CYP26C1: variants seen among roughly 807,000 people sequenced by gnomAD.
CYP26C1 encodes the protein cytochrome P450 26C1.
A neutral mutation model predicts 39.1 loss-of-function variants in CYP26C1; 41 were observed. That is an observed-to-expected ratio of 1.05 (90% CI 0.82 to 1.36). The LOEUF is 1.36. Ranked by LOEUF, CYP26C1 falls within the 40% of genes most tolerant of loss-of-function variation. The probability of loss-of-function intolerance (pLI) is 0.00; values close to 1 mark genes in which losing one functional copy is unlikely to be tolerated. For synonymous variants in CYP26C1, 362 were observed against 350.8 expected (o/e 1.03, Z -0.36); for missense variants, 833 against 752.0 (o/e 1.11, Z -1.26).
At position 93,068,803 on chromosome 10, in the gene CYP26C1, GTTCAACAATCT is replaced by G; in HGVS notation, c.*115_*125del. 7.1e-7 allele frequency: 1 copy of G among 1,402,260 alleles called. No individual in the cohort carries two copies. The highest frequency in any genetic ancestry group is 9.3e-7 in the Non-Finnish European group (1 of 1,074,298). The allele number at this position is 1,402,260 out of a possible 1,614,324, so 86.9% of individuals were successfully genotyped here. A position where few individuals can be genotyped will look rare whatever the true frequency, so the allele number is the denominator to read the frequency against. The stretch of plus-strand genomic sequence containing the variant: ...GCGTCGCGCGCCCACTCTTTCACTC[GTTCAACAATCT>G]TTCAACAAATGTTCGCCAAACGCGG... On this transcript the variant is annotated 3_prime_UTR_variant, in exon 6 of 6. Coordinates refer to ENST00000651965, the MANE Select transcript of CYP26C1 (RefSeq NM_183374.3).
intron 5 of CYP26C1, among the ~76,000 whole-genome samples, chr10:93,067,609 C>CT (rs1468604067): frequency 6.6e-6 from 1 of 152,150 alleles, no homozygotes; most frequent in Non-Finnish European, 1.5e-5. Context: ...CAGTTAGAAA[C>CT]TTTGAGTATT....
chr10:93,062,124 C>A lies in CYP26C1; in HGVS notation c.319C>A (p.Leu107Met). ...SGAENVRTIL[L>M]GEHRLVRSQW... is the part of the protein sequence containing the mutation. ...CGCGGAGAACGTGCGCACCATCCTG[C>A]TGGGCGAGCACCGCCTGGTGCGCAG... The change falls in exon 2 of 6, where the codon CTG (leucine) becomes ATG (methionine). Residue 107 changes from leucine (L) to methionine (M), a missense_variant. Transcript: ENST00000651965. 1 of 1,551,964 alleles carries A rather than the reference C, an allele frequency of 6.4e-7. No homozygotes were observed. Among genetic ancestry groups the A allele is most frequent in the Non-Finnish European group, 8.7e-7 (1 of 1,149,822 alleles).
chr10:93,061,620 T>C (rs1846750315), intron 1 of CYP26C1, among the ~76,000 whole-genome samples, 153 bp downstream of exon 1: 2 of 38,544 alleles, frequency 5.2e-5, no homozygotes, highest in Non-Finnish European at 1.4e-4. Context: ...CGCCTTTACC[T>C]AGATACTCCG....
intron 4 of CYP26C1, 155 bp downstream of exon 4, chr10:93,064,691 AAT>A: frequency 7.1e-7 from 1 of 1,409,310 alleles, no homozygotes; most frequent in Admixed American, 3.0e-5. Context: ...GGGTTCCAGT[AAT>A]GACTCAGCCA....
At position 93,064,407 on chromosome 10, in the gene CYP26C1, T is replaced by A. The variant is rs1846795117; in HGVS notation, c.732T>A (p.His244Gln). ...GCATCCGGGCAAGGGACCAGCTGCA[T>A]CGGCACCTGGAGGGGGCCATTTCTG... ...RKGIRARDQL[H>Q]RHLEGAISEK... The change falls in exon 4 of 6, where the codon CAT becomes CAA. Residue 244 changes from histidine to glutamine, a missense_variant. By Grantham distance (24) the His-to-Gln change is conservative (BLOSUM62 0). Coordinates refer to ENST00000651965, the MANE Select transcript of CYP26C1 (RefSeq NM_183374.3). 3 of 1,614,078 alleles carry A rather than the reference T, an allele frequency of 1.9e-6. No homozygotes were observed. Among genetic ancestry groups the A allele is most frequent in the Admixed American group, 1.7e-5 (1 of 60,018 alleles).
Position 93,062,916 on chromosome 10 carries a change from CG to C in CYP26C1, c.627del (p.Leu210TrpfsTer60). On this transcript the variant is annotated frameshift_variant, in exon 3 of 6. Coordinates refer to ENST00000651965, the MANE Select transcript of CYP26C1 (RefSeq NM_183374.3). LOFTEE classifies it high-confidence loss of function. ...GLRLDEAQCA[T>X]LARTFEQLVE... ...CGGCTGGACGAGGCGCAGTGCGCCA[CG>C]CTGGCCCGGACCTTCGAGCAGCTCG... 6.2e-7 allele frequency: 1 copy of C among 1,605,826 alleles called. No homozygotes were observed. Among genetic ancestry groups the C allele is most frequent in the East Asian group, 2.2e-5 (1 of 44,808 alleles).
intron 3 of CYP26C1, chr10:93,064,137 A>G: frequency 1.6e-6 from 2 of 1,253,994 alleles, no homozygotes; most frequent in Non-Finnish European, 2.1e-6. Context: ...CCTCAGGATG[A>G]CAGTAACTCT....
chr10:93,065,910 C>A lies in CYP26C1; in HGVS notation c.862-46C>A, dbSNP rs913485322. On this transcript the variant is annotated intron_variant, in intron 4 of 5. Coordinates refer to ENST00000651965, the MANE Select transcript of CYP26C1 (RefSeq NM_183374.3). ...GGGGCCGTCGGGTCAGCGCCCCGGG[C>A]GACTCCACCGCCCGAGACTCAGTGC... 6.8e-6 allele frequency: 10 copies of A among 1,471,868 alleles called. No homozygotes were observed. In the African/African-American group the frequency reaches 1.0e-4, roughly 15 times the overall value. 91.2% of individuals were successfully genotyped at this position (1,471,868 alleles called of 1,614,324 possible).
chr10:93,061,758 G>T (rs1358606321), intron 1 of CYP26C1, among the ~76,000 whole-genome samples: 3 of 152,212 alleles, frequency 2.0e-5, no homozygotes, highest in African/African-American at 7.2e-5. Flanking sequence ...TAGAAAAGGA[G>T]CCTGGAGCTT....
At position 93,061,424 on chromosome 10, in the gene CYP26C1, T is replaced by TG; in HGVS notation, c.165dup (p.Trp56ValfsTer113). 3 of 1,557,310 alleles carry TG rather than the reference T, an allele frequency of 1.9e-6. No homozygotes were observed. Among genetic ancestry groups the TG allele is most frequent in the Non-Finnish European group, 1.7e-6 (2 of 1,150,870 alleles). On this transcript the variant is annotated frameshift_variant, in exon 1 of 6. Transcript: ENST00000651965. LOFTEE classifies it high-confidence loss of function. ...ACCCTGCCTCTGCCCAAGGGCTCCA[T>TG]GGGGTGGCCCTTCTTCGGCGAAACG...
At chr10:93,064,797 G>T in intron 4 of CYP26C1, 1 of 1,164,676 alleles carries the variant, frequency 8.6e-7, no homozygotes, top group Non-Finnish European at 1.1e-6. Context: ...CAGGTTTCTG[G>T]CCACAAATGG....
intron 4 of CYP26C1, among the ~76,000 whole-genome samples, chr10:93,064,976 C>T (rs959226006): frequency 5.9e-5 from 9 of 152,192 alleles, no homozygotes; most frequent in Non-Finnish European, 8.8e-5. Context: ...AAAATCACCT[C>T]TCTCCTTCTA....
chr10:93,066,112 G>C lies in CYP26C1; in HGVS notation c.1018G>C (p.Gly340Arg), dbSNP rs1262106447. The C allele has an allele frequency of 2.0e-5, 26 of 1,315,684 alleles. No homozygotes were observed. Among genetic ancestry groups the C allele is most frequent in the Non-Finnish European group, 2.2e-5 (23 of 1,039,506 alleles). The allele number at this position is 1,315,684 out of a possible 1,614,324, so 81.5% of individuals were successfully genotyped here. A position where few individuals can be genotyped will look rare whatever the true frequency, so the allele number is the denominator to read the frequency against. ...GLGRACGCAPGAAGGSEGPPP... is the reference protein window; with the variant it reads ...GLGRACGCAPRAAGGSEGPPP... ...GGGGCGCGCGTGCGGCTGCGCGCCC[G>C]GGGCCGCTGGGGGCAGCGAGGGGCC... Residue 340 changes from glycine to arginine, a missense_variant, in exon 5 of 6, where the codon GGG (glycine) becomes CGG (arginine). Coordinates refer to ENST00000651965, the MANE Select transcript of CYP26C1 (RefSeq NM_183374.3).
At position 93,062,991 on chromosome 10, in the gene CYP26C1, G is replaced by A; in HGVS notation, c.701G>A (p.Arg234His). The A allele has an allele frequency of 6.4e-7, 1 of 1,562,216 alleles. No individual in the cohort carries two copies. Among genetic ancestry groups the A allele is most frequent in the African/African-American group, 1.4e-5 (1 of 71,948 alleles). Residue 234 changes from arginine to histidine, a missense_variant, in exon 3 of 6, where the codon CGC (arginine) becomes CAC (histidine). Transcript: ENST00000651965. ...LPLDVPFSGL[R>H]KGIRARDQLH... ...CTGGACGTTCCCTTCAGTGGCCTAC[G>A]CAAGGTACGGCCGCCCCGGCTCCAG...
Position 93,061,308 on chromosome 10 carries a change from G to A in CYP26C1, c.45G>A (p.Ala15=), listed in dbSNP as rs764724512. Reference sequence around the variant, plus strand: ...GCTGCCTGTCAGTGCTGGGGGCGGCGGGCACTGCTCTCCTGTGCGCGGGCC... The same window carrying A: ...GCTGCCTGTCAGTGCTGGGGGCGGCAGGCACTGCTCTCCTGTGCGCGGGCC... The part of the protein sequence containing the change: ...GLSCLSVLGA[A]GTALLCAGLL... Residue 15 remains alanine (A), a synonymous_variant, in exon 1 of 6, where the codon GCG becomes GCA. Transcript: ENST00000651965. 1.8e-5 allele frequency: 29 copies of A among 1,596,438 alleles called. No homozygotes were observed. The South Asian group carries it at 2.3e-4, about 13-fold the overall frequency.
Position 93,061,903 on chromosome 10 carries a change from G to A in CYP26C1, c.205-107G>A, listed in dbSNP as rs531572037. On this transcript the variant is annotated intron_variant, in intron 1 of 5. Transcript: ENST00000651965. ...ACTGGGGATCTTGTTTTGTAAACGC[G>A]CCAGCCAGGGACAGGAAGTTGTGAT... is the stretch of plus-strand genomic sequence containing the variant. The A allele has an allele frequency of 1.5e-5, 18 of 1,162,472 alleles. No individual in the cohort carries two copies. The African/African-American group carries it at 2.6e-4, about 17-fold the overall frequency. 72.0% of individuals were successfully genotyped at this position (1,162,472 alleles called of 1,614,324 possible). A position where few individuals can be genotyped will look rare whatever the true frequency, so the allele number is the denominator to read the frequency against.
At chr10:93,066,364 G>T (rs1012103147) in intron 5 of CYP26C1, 79 bp downstream of exon 5, 25 of 1,211,988 alleles carry the variant, frequency 2.1e-5, no homozygotes, top group Non-Finnish European at 2.6e-5. Flanking sequence ...CTGCCGCGGC[G>T]GCGCCCAGGT....
At chr10:93,061,529 C>G in intron 1 of CYP26C1, 62 bp downstream of exon 1, 1 of 1,528,002 alleles carries the variant, frequency 6.5e-7, no homozygotes, top group Non-Finnish European at 8.9e-7. Context: ...TCCCACTGGA[C>G]CCTCCTCAGT....
intron 5 of CYP26C1, among the ~76,000 whole-genome samples, chr10:93,066,553 G>A (rs1369705540): frequency 1.3e-5 from 2 of 152,202 alleles, no homozygotes; most frequent in Non-Finnish European, 2.9e-5. Flanking sequence ...TTTTGGCAGC[G>A]GTTCGGAACG....
Sources: gnomAD v4.1 joint callset for allele counts (sites outside exome capture counted in the v4.1 genomes callset) on GRCh38, gnomAD v4.1.1 for gene constraint, MANE v1.5 for transcripts, NCBI Gene and HGNC (gene_info 2026-07-23, HGNC 2026-07-21) for gene names.